The following FMN1 variants were observed in gnomAD, a reference collection of about 807,000 sequenced individuals.
The protein encoded by FMN1 is formin 1, also known as formin-1.
A neutral mutation model predicts 132.4 loss-of-function variants in FMN1; 110 were observed. The observed-to-expected ratio is 0.83, with a 90% confidence interval of 0.71 to 0.97. The LOEUF is 0.97. Among genes scored for constraint, FMN1 ranks in the 50% least tolerant of loss-of-function variants. The probability of loss-of-function intolerance (pLI) is 0.00; values close to 1 mark genes in which losing one functional copy is unlikely to be tolerated. For synonymous variants in FMN1, 722 were observed against 651.7 expected, an observed-to-expected ratio of 1.11 and a Z score of -1.64; for missense variants, 1,792 against 1,705.3, an observed-to-expected ratio of 1.05 and a Z score of -0.90.
At chr15:32,817,033 G>A (rs201883722) in intron 17 of FMN1, among the ~76,000 whole-genome samples, 1 of 152,124 alleles carries the variant, frequency 6.6e-6, no homozygotes, top group Non-Finnish European at 1.5e-5. Context: ...AGAGAAGAAA[G>A]AAGCCATACT....
intron 17 of FMN1, among the ~76,000 whole-genome samples, chr15:32,840,005 T>C (rs1327001198): frequency 2.0e-5 from 3 of 152,186 alleles, no homozygotes; most frequent in Non-Finnish European, 2.9e-5. Context: ...AGCCACATAT[T>C]GGCAACATAA....
intron 6 of FMN1, among the ~76,000 whole-genome samples, chr15:33,039,160 C>CA: frequency 6.6e-6 from 1 of 151,794 alleles, no homozygotes; most frequent in African/African-American, 2.4e-5. Context: ...ATCTGATTGT[C>CA]AAAAAATTCA....
chr15:32,797,075 T>C (rs2057313940), intron 19 of FMN1, among the ~76,000 whole-genome samples: 2 of 151,468 alleles, frequency 1.3e-5, no homozygotes, highest in African/African-American at 4.8e-5. Context: ...CAAACGCCCG[T>C]GGCTGGGAAT....
At chr15:32,860,160 A>T (rs1174256452) in intron 16 of FMN1, among the ~76,000 whole-genome samples, 1 of 147,530 alleles carries the variant, frequency 6.8e-6, no homozygotes, top group Non-Finnish European at 1.5e-5. Context: ...GGAAGGAAGG[A>T]AGGAAAAGGA....
chr15:32,940,190 C>T (rs935660838), intron 9 of FMN1, among the ~76,000 whole-genome samples: 1 of 152,072 alleles, frequency 6.6e-6, no homozygotes, highest in South Asian at 2.1e-4. Flanking sequence ...CATGAATGAC[C>T]TCTTGGCCAG....
intron 20 of FMN1, among the ~76,000 whole-genome samples, chr15:32,774,617 T>C (rs2056355740): frequency 6.6e-6 from 1 of 152,154 alleles, no homozygotes; most frequent in African/African-American, 2.4e-5. Flanking sequence ...GCCTTTACCA[T>C]GCCAGGGTGG....
intron 6 of FMN1, among the ~76,000 whole-genome samples, chr15:33,045,205 G>A (rs1433274372): frequency 2.0e-5 from 3 of 152,194 alleles, no homozygotes; most frequent in Admixed American, 6.5e-5. Flanking sequence ...ACCCATGCTC[G>A]CACCTGGAGC....
intron 9 of FMN1, among the ~76,000 whole-genome samples, chr15:32,963,343 T>A (rs2030806591): frequency 5.3e-5 from 1 of 18,878 alleles, no homozygotes; most frequent in East Asian, 1.7e-3. Flanking sequence ...GGGACTGTTG[T>A]GGGGTCGGGG....
intron 4 of FMN1, among the ~76,000 whole-genome samples, chr15:33,127,733 T>C (rs1470416703): frequency 3.3e-5 from 5 of 152,210 alleles, no homozygotes; most frequent in Non-Finnish European, 5.9e-5. Context: ...GCAGGTTATA[T>C]TGTAATGATA....
At chr15:33,111,532 G>A (rs1283518491) in intron 4 of FMN1, among the ~76,000 whole-genome samples, 1 of 152,140 alleles carries the variant, frequency 6.6e-6, no homozygotes, top group African/African-American at 2.4e-5. Flanking sequence ...GTACACAAAT[G>A]TTCGTAGCAT....
chr15:32,840,761 G>A (rs950865984), intron 17 of FMN1, among the ~76,000 whole-genome samples: 14 of 152,292 alleles, frequency 9.2e-5, no homozygotes, highest in African/African-American at 3.4e-4. Context: ...GTGCCAGTGG[G>A]TCATCATGCC....
At chr15:32,811,734 G>A (rs1248857130) in intron 17 of FMN1, among the ~76,000 whole-genome samples, 3 of 151,136 alleles carry the variant, frequency 2.0e-5, no homozygotes. Context: ...GTGCGATCTC[G>A]GCTCACTGCA....
intron 7 of FMN1, among the ~76,000 whole-genome samples, chr15:32,972,709 T>C (rs1158440992): frequency 3.9e-5 from 6 of 152,196 alleles, no homozygotes; most frequent in Non-Finnish European, 5.9e-5. Flanking sequence ...TATCACACTA[T>C]ACAATCTTTC....
At chr15:32,990,496 T>G (rs531484155) in intron 7 of FMN1, among the ~76,000 whole-genome samples, 1 of 152,270 alleles carries the variant, frequency 6.6e-6, no homozygotes, top group East Asian at 1.9e-4. Flanking sequence ...TAAGATAATT[T>G]GCTACAAGTC....
intron 15 of FMN1, 89 bp from the exon 16 acceptor site, chr15:32,888,381 CTT>C (rs941429089): frequency 6.0e-5 from 73 of 1,213,620 alleles, no homozygotes; most frequent in Admixed American, 4.3e-4. Context: ...AAAAAAAAAG[CTT>C]TTTTATTGGA....
chr15:33,044,074 A>C (rs1321379828), intron 6 of FMN1, among the ~76,000 whole-genome samples: 1 of 152,244 alleles, frequency 6.6e-6, no homozygotes, highest in Non-Finnish European at 1.5e-5. Context: ...AGGCATTGTC[A>C]TAACCTAGTT....
intron 4 of FMN1, among the ~76,000 whole-genome samples, chr15:33,107,909 C>T (rs1317223750): frequency 6.6e-6 from 1 of 151,938 alleles, no homozygotes; most frequent in Non-Finnish European, 1.5e-5. Context: ...CATGCTGGCC[C>T]CTTATTTATT....
Position 32,899,402 on chromosome 15 carries a change from G to T in FMN1, c.3655-509C>A, listed in dbSNP as rs373649853. ...CAGCCTTTGTGTCCTGCTCACTGGG[G>T]CCTAATTCTAATTTGCCTGTGTGTT... On this transcript the variant is annotated intron_variant, in intron 14 of 20. Coordinates refer to ENST00000616417, the MANE Select transcript of FMN1 (RefSeq NM_001277313.2). Among the ~76,000 whole-genome samples, 11 of 152,336 alleles carry T rather than the reference G, an allele frequency of 7.2e-5. No individual in the cohort carries two copies. The East Asian group carries it at 2.1e-3, about 29-fold the overall frequency.
intron 1 of FMN1, 52 bp downstream of exon 1, chr15:33,194,526 C>G (rs954285071): frequency 2.0e-5 from 3 of 152,770 alleles, no homozygotes; most frequent in Non-Finnish European, 4.4e-5. Context: ...AGCCTTTGGT[C>G]GGGAAGAAGA....
Sources: allele counts gnomAD v4.1 joint callset (sites outside exome capture counted in the v4.1 genomes callset), GRCh38; gene constraint gnomAD v4.1.1; transcripts MANE v1.5; gene names NCBI Gene and HGNC (gene_info 2026-07-23, HGNC 2026-07-21).